Variants in CPEB1 observed in about 807,000 individuals in gnomAD.
The protein encoded by CPEB1 is cytoplasmic polyadenylation element binding protein 1, also known as cytoplasmic polyadenylation element-binding protein 1.
CPEB1 carries 7 observed loss-of-function variants against 65.8 expected under a neutral mutation model. The ratio of observed to expected loss-of-function variants is 0.11; its 90% CI spans 0.06 to 0.20. CPEB1 has a LOEUF of 0.20. Ranked by LOEUF, CPEB1 falls within the 10% of genes least tolerant of loss-of-function variation. CPEB1 has a pLI of 1.00. For missense variants in CPEB1, 551 were observed against 712.2 expected (o/e 0.77, Z 2.58); for synonymous variants, 262 against 260.0 (o/e 1.01, Z -0.08).
chr15:82,637,139 C>T (rs1187012910), intron 1 of CPEB1, among the ~76,000 whole-genome samples: 4 of 152,168 alleles, frequency 2.6e-5, no homozygotes, highest in Non-Finnish European at 5.9e-5. Flanking sequence ...AACTAGGGAA[C>T]TTTGACCAAG....
chr15:82,612,501 A>C (rs1567221458), intron 3 of CPEB1, among the ~76,000 whole-genome samples: 1 of 121,412 alleles, frequency 8.2e-6, no homozygotes, highest in African/African-American at 3.2e-5. Context: ...TGTCCAAAAA[A>C]AAAAAAACAA....
In CPEB1 at chr15:82,639,849, ACTCT is replaced by A. The variant is rs112948983; in HGVS notation, c.-98+7284_-98+7287del. ...AGTCCTCAGACACACACGCGCAAACACTCTCTCTCTCTCTCTCTCTCTGGGTGCC... is the reference window on the plus strand; with the variant it reads ...AGTCCTCAGACACACACGCGCAAACACTCTCTCTCTCTCTCTCTGGGTGCC... On this transcript the variant is annotated intron_variant, in intron 1 of 12. Transcript: ENST00000684509. Among the ~76,000 whole-genome samples the A allele has an allele frequency of 2.1e-4, 30 of 145,734 alleles. 1 individual carries two copies. The highest frequency in any genetic ancestry group is 3.5e-3 in the Middle Eastern group (1 of 282).
At chr15:82,647,827 C>G (rs1437056654), upstream of CPEB1, 19 of 1,282,982 alleles carry the variant, frequency 1.5e-5, no homozygotes, top group Non-Finnish European at 1.8e-5. Flanking sequence ...GACGCGGCCC[C>G]GCCCAGGCGA....
intron 3 of CPEB1, among the ~76,000 whole-genome samples, chr15:82,572,482 C>G (rs908298441): frequency 6.6e-6 from 1 of 152,132 alleles, no homozygotes; most frequent in African/African-American, 2.4e-5. Context: ...CCTGCCCTGA[C>G]TAGGATAATC....
intron 3 of CPEB1, among the ~76,000 whole-genome samples, chr15:82,610,958 C>CAAAAAAAAAAAAAAAAAAAA (rs60065545): frequency 1.0e-4 from 3 of 30,020 alleles, no homozygotes; most frequent in Non-Finnish European, 1.7e-4. Context: ...ACTCCAGTCT[C>CAAAAAAAAAAAAAAAAAAAA]AAAAAAAAAA....
chr15:82,596,667 C>G (rs2042685506), intron 3 of CPEB1, among the ~76,000 whole-genome samples: 1 of 139,244 alleles, frequency 7.2e-6, no homozygotes, highest in Non-Finnish European at 1.5e-5. Flanking sequence ...CACTGCACTC[C>G]AACCTGGGCA....
At chr15:82,613,240 G>A (rs996501636) in intron 3 of CPEB1, among the ~76,000 whole-genome samples, 4 of 152,178 alleles carry the variant, frequency 2.6e-5, no homozygotes, top group African/African-American at 9.7e-5. Flanking sequence ...CCAGGAATGC[G>A]AAGTTGGCTT....
At chr15:82,616,174 A>G (rs1479636713) in intron 3 of CPEB1, among the ~76,000 whole-genome samples, 5 of 152,056 alleles carry the variant, frequency 3.3e-5, no homozygotes, top group African/African-American at 9.7e-5. Flanking sequence ...GGGTCTTCTT[A>G]GTTGCTTATA....
At chr15:82,632,851 C>A (rs1473348858) in intron 1 of CPEB1, among the ~76,000 whole-genome samples, 1 of 152,044 alleles carries the variant, frequency 6.6e-6, no homozygotes, top group Non-Finnish European at 1.5e-5. Flanking sequence ...TTTAAACCGT[C>A]CAGTTATATG....
intron 1 of CPEB1, among the ~76,000 whole-genome samples, chr15:82,635,136 T>G (rs563206023): frequency 6.6e-6 from 1 of 152,342 alleles, no homozygotes; most frequent in Non-Finnish European, 1.5e-5. Context: ...ATTACAGGCA[T>G]GAGCCACATG....
chr15:82,623,427 C>T (rs2045489123), intron 3 of CPEB1, among the ~76,000 whole-genome samples: 1 of 152,194 alleles, frequency 6.6e-6, no homozygotes, highest in Non-Finnish European at 1.5e-5. Flanking sequence ...CCTGTAATCC[C>T]AGCAGTTTGG....
chr15:82,593,097 A>G (rs977450819), intron 3 of CPEB1, among the ~76,000 whole-genome samples: 4 of 152,220 alleles, frequency 2.6e-5, no homozygotes, highest in Non-Finnish European at 5.9e-5. Context: ...GGCTGCTGAC[A>G]TAAGGGTGGT....
At chr15:82,559,867 T>A (rs2037894030) in intron 4 of CPEB1, among the ~76,000 whole-genome samples, 1 of 152,182 alleles carries the variant, frequency 6.6e-6, no homozygotes, top group South Asian at 2.1e-4. Flanking sequence ...GTAGATCACC[T>A]GAGGTCAGGA....
intron 3 of CPEB1, among the ~76,000 whole-genome samples, chr15:82,589,452 T>C (rs1596071618): frequency 6.6e-6 from 1 of 152,188 alleles, no homozygotes; most frequent in Admixed American, 6.5e-5. Flanking sequence ...TGAGTATAAT[T>C]TGAAATTGTG....
chr15:82,621,722 T>G (rs2151295985), intron 3 of CPEB1, among the ~76,000 whole-genome samples: 1 of 151,006 alleles, frequency 6.6e-6, no homozygotes, highest in East Asian at 1.9e-4. Context: ...GGTTACATGG[T>G]TGTGTTCAGT....
rs2034694741 is a variant in CPEB1, at chr15:82,543,721, CA to C, written c.*870del. 6.6e-6 allele frequency: 1 copy of C among 152,164 alleles called. No individual in the cohort carries two copies. Among genetic ancestry groups the C allele is most frequent in the Admixed American group, 6.6e-5 (1 of 15,260 alleles). 9.4% of individuals were successfully genotyped at this position (152,164 alleles called of 1,614,324 possible). A position where few individuals can be genotyped will look rare whatever the true frequency, so the allele number is the denominator to read the frequency against. On this transcript the variant is annotated 3_prime_UTR_variant, in exon 13 of 13. Transcript: ENST00000684509. Reference sequence around the variant, plus strand: ...AAAACTTCTATCAACCCCACCCCCCCACATAAGTGCAACTTAAGGAGGTGCA... The same window carrying C: ...AAAACTTCTATCAACCCCACCCCCCCCATAAGTGCAACTTAAGGAGGTGCA...
At chr15:82,634,957 A>C (rs2046541326) in intron 1 of CPEB1, among the ~76,000 whole-genome samples, 1 of 152,154 alleles carries the variant, frequency 6.6e-6, no homozygotes, top group Non-Finnish European at 1.5e-5. Flanking sequence ...GGGTTCAAGC[A>C]ATTCTGGTGC....
At position 82,597,464 on chromosome 15, in the gene CPEB1, A is replaced by G. The variant is rs183325805; in HGVS notation, c.272-25932T>C. Reference sequence around the variant, plus strand: ...ATCTGTGCAGGGGGAAGCATATTACAGAAGCGAGAAACAAAGACAGTTATT... The same window carrying G: ...ATCTGTGCAGGGGGAAGCATATTACGGAAGCGAGAAACAAAGACAGTTATT... On this transcript the variant is annotated intron_variant, in intron 3 of 12. Transcript: ENST00000684509. 1.1e-4 allele frequency among the ~76,000 whole-genome samples: 17 copies of G among 152,368 alleles called. No individual in the cohort carries two copies. In the East Asian group the frequency reaches 3.3e-3, roughly 29 times the overall value.
chr15:82,551,857 GC>G (rs1280821862), intron 9 of CPEB1, among the ~76,000 whole-genome samples: 2 of 152,092 alleles, frequency 1.3e-5, no homozygotes, highest in Admixed American at 1.3e-4. Context: ...CTGGGATAAG[GC>G]CCAAGAATGT....
Sources: gnomAD v4.1 joint callset for allele counts (sites outside exome capture counted in the v4.1 genomes callset) on GRCh38, gnomAD v4.1.1 for gene constraint, MANE v1.5 for transcripts, NCBI Gene and HGNC (gene_info 2026-07-23, HGNC 2026-07-21) for gene names.